Variants in USP34 observed in about 807,000 individuals in gnomAD.
USP34 encodes ubiquitin carboxyl-terminal hydrolase 34.
USP34 carries 70 observed loss-of-function variants against 460.3 expected under a neutral mutation model. The ratio of observed to expected loss-of-function variants is 0.15; its 90% CI spans 0.13 to 0.19. USP34 has a LOEUF of 0.19. Ranked by LOEUF, USP34 falls within the 10% of genes least tolerant of loss-of-function variation. The probability of loss-of-function intolerance (pLI) is 1.00; values close to 1 mark genes in which losing one functional copy is unlikely to be tolerated. For synonymous variants in USP34, 1,647 were observed against 1,405.3 expected, an observed-to-expected ratio of 1.17 and a Z score of -3.85; for missense variants, 3,985 against 4,236.2, an observed-to-expected ratio of 0.94 and a Z score of 1.65.
At chr2:61,371,399 C>A (rs1348393794) in intron 8 of USP34, among the ~76,000 whole-genome samples, 2 of 144,142 alleles carry the variant, frequency 1.4e-5, no homozygotes. Context: ...AAAAAAGGCA[C>A]AGTCAGCATG....
chr2:61,329,295 G>A (rs1409344869), intron 20 of USP34, among the ~76,000 whole-genome samples: 1 of 152,024 alleles, frequency 6.6e-6, no homozygotes, highest in Admixed American at 6.5e-5. Context: ...CAAAGTGTTG[G>A]GATTACAGCC....
At chr2:61,299,397 T>G (rs1690149543) in intron 29 of USP34, among the ~76,000 whole-genome samples, 1 of 152,170 alleles carries the variant, frequency 6.6e-6, no homozygotes, top group Non-Finnish European at 1.5e-5. Flanking sequence ...AGGCATTGTT[T>G]TAAAAGTTAG....
chr2:61,301,559 A>C (rs1418557029), intron 27 of USP34, 105 bp from the exon 28 acceptor site: 7 of 973,980 alleles, frequency 7.2e-6, no homozygotes, highest in Non-Finnish European at 1.1e-5. Context: ...TGTTAAGTTT[A>C]AATGTAATCT....
At chr2:61,291,276 A>G (rs561047860) in intron 33 of USP34, among the ~76,000 whole-genome samples, 1 of 152,234 alleles carries the variant, frequency 6.6e-6, no homozygotes, top group African/African-American at 2.4e-5. Context: ...TAGGATAGCT[A>G]AAATAAAAGA....
chr2:61,260,867 C>A (rs1162505894), intron 43 of USP34, among the ~76,000 whole-genome samples: 1 of 152,118 alleles, frequency 6.6e-6, no homozygotes, highest in Non-Finnish European at 1.5e-5. Context: ...GGCTAAAGAG[C>A]TGCCTAAATT....
At chr2:61,240,297 C>T (rs1688215007) in intron 53 of USP34, among the ~76,000 whole-genome samples, 1 of 151,994 alleles carries the variant, frequency 6.6e-6, no homozygotes. Context: ...ATGTAAAATA[C>T]ATTTTTTTTT....
chr2:61,341,755 C>CTTTTTTTTT (rs896288474), intron 16 of USP34, among the ~76,000 whole-genome samples: 8 of 91,732 alleles, frequency 8.7e-5, no homozygotes, highest in East Asian at 3.5e-4. Context: ...TCAGGTCTTT[C>CTTTTTTTTT]TTTTTTTTTT....
intron 53 of USP34, among the ~76,000 whole-genome samples, chr2:61,238,490 G>A (rs748819204): frequency 1.3e-5 from 2 of 152,040 alleles, no homozygotes; most frequent in Non-Finnish European, 2.9e-5. Flanking sequence ...TCTATTATCT[G>A]TAAGAATCAT....
chr2:61,390,016 A>T (rs1281202376), intron 5 of USP34, among the ~76,000 whole-genome samples: 3 of 152,180 alleles, frequency 2.0e-5, no homozygotes, highest in Non-Finnish European at 4.4e-5. Context: ...ATCCTACCCT[A>T]GTTTCTGATA....
intron 10 of USP34, among the ~76,000 whole-genome samples, chr2:61,363,167 C>T (rs192788208): frequency 7.9e-4 from 120 of 152,284 alleles, no homozygotes; most frequent in African/African-American, 2.8e-3. Context: ...TACAAATTCA[C>T]ACCTACTAGG....
In USP34 at chr2:61,347,881, G is replaced by A. The variant is rs1177243131; in HGVS notation, c.2274C>T (p.His758=). 2.5e-6 allele frequency: 4 copies of A among 1,612,830 alleles called. No homozygotes were observed. Among genetic ancestry groups the A allele is most frequent in the South Asian group, 2.2e-5 (2 of 91,004 alleles). ...TGAAGTAGGCTTACCCATCGTGGTGGTGGTGATGGTGGTGGTGGTGGTGGT... is the reference window on the plus strand; with the variant it reads ...TGAAGTAGGCTTACCCATCGTGGTGATGGTGATGGTGGTGGTGGTGGTGGT... ...QHHHHHHHHH[H]HHDGHMVDDM... The change falls in exon 15 of 80, where the codon CAC becomes CAT. Residue 758 remains histidine, a synonymous_variant. Coordinates refer to ENST00000398571, the MANE Select transcript of USP34 (RefSeq NM_014709.4).
intron 58 of USP34, 133 bp downstream of exon 58, chr2:61,232,319 T>TTA (rs1224161990): frequency 1.4e-6 from 1 of 739,996 alleles, no homozygotes; most frequent in African/African-American, 1.8e-5. Context: ...AAAATGACTT[T>TTA]TATGATAGGA....
chr2:61,344,788 G>A (rs1199079227), intron 15 of USP34, among the ~76,000 whole-genome samples: 1 of 152,154 alleles, frequency 6.6e-6, no homozygotes, highest in African/African-American at 2.4e-5. Flanking sequence ...GCAAGATAGT[G>A]AGCCAGTGGT....
At chr2:61,439,209 C>G (rs942775003) in intron 1 of USP34, among the ~76,000 whole-genome samples, 3 of 152,138 alleles carry the variant, frequency 2.0e-5, no homozygotes, top group Non-Finnish European at 4.4e-5. Context: ...CTCAGCAGTT[C>G]GAAACCAGCC....
chr2:61,215,622 C>T (rs972007254), intron 67 of USP34, among the ~76,000 whole-genome samples: 1 of 152,152 alleles, frequency 6.6e-6, no homozygotes, highest in Non-Finnish European at 1.5e-5. Flanking sequence ...GGTAACAGTG[C>T]TCTGGAAAAT....
chr2:61,377,490 G>A (rs957554150), intron 8 of USP34, among the ~76,000 whole-genome samples: 1 of 151,928 alleles, frequency 6.6e-6, no homozygotes, highest in African/African-American at 2.4e-5. Context: ...ATTGGAAATG[G>A]GGCCTTTGGG....
intron 69 of USP34, among the ~76,000 whole-genome samples, chr2:61,211,148 C>T (rs1212588299): frequency 1.3e-5 from 2 of 151,996 alleles, no homozygotes; most frequent in Non-Finnish European, 2.9e-5. Flanking sequence ...TAAGATATTA[C>T]AGTGAAGTCT....
chr2:61,404,124 G>A (rs368797739), intron 3 of USP34, among the ~76,000 whole-genome samples: 32 of 151,458 alleles, frequency 2.1e-4, no homozygotes, highest in African/African-American at 6.8e-4. Context: ...AATTCTAACA[G>A]GGAAAATATC....
intron 69 of USP34, among the ~76,000 whole-genome samples, chr2:61,210,892 T>G (rs1687256065): frequency 6.6e-6 from 1 of 152,172 alleles, no homozygotes; most frequent in Non-Finnish European, 1.5e-5. Flanking sequence ...GCTAACTTAT[T>G]TATTTATATA....
Sources: gnomAD v4.1 joint callset for allele counts (sites outside exome capture counted in the v4.1 genomes callset) on GRCh38, gnomAD v4.1.1 for gene constraint, MANE v1.5 for transcripts, NCBI Gene and HGNC (gene_info 2026-07-23, HGNC 2026-07-21) for gene names.